The following NCK2 variants were observed in gnomAD, a reference collection of about 807,000 sequenced individuals.
NCK2 encodes the protein cytoplasmic protein NCK2.
NCK2 carries 16 observed loss-of-function variants against 33.9 expected under a neutral mutation model. The ratio of observed to expected loss-of-function variants is 0.47; its 90% confidence interval spans 0.32 to 0.72. NCK2 has a LOEUF of 0.72. Among genes scored for constraint, NCK2 ranks in the 30% least tolerant of loss-of-function variants. The pLI, the probability that NCK2 is intolerant of heterozygous loss-of-function variation, is 0.03. For missense variants in NCK2, 418 were observed against 537.3 expected, an observed-to-expected ratio of 0.78 and a Z score of 2.19; for synonymous variants, 273 against 239.9, an observed-to-expected ratio of 1.14 and a Z score of -1.27.
chr2:105,882,093 C>T (rs368821936), intron 4 of NCK2, 44 bp downstream of exon 4: 285 of 1,467,352 alleles, frequency 1.9e-4, no homozygotes, highest in African/African-American at 1.8e-3. Flanking sequence ...GCAGTAAATG[C>T]GCCTTGCGCG....
intron 2 of NCK2, among the ~76,000 whole-genome samples, chr2:105,851,287 G>GA (rs1558869255): frequency 6.6e-6 from 1 of 150,722 alleles, no homozygotes; most frequent in Non-Finnish European, 1.5e-5. Context: ...TTTCTGAGAC[G>GA]GAGTCTCGCT....
chr2:105,846,010 T>C (rs1212743789), intron 2 of NCK2, among the ~76,000 whole-genome samples: 1 of 152,184 alleles, frequency 6.6e-6, no homozygotes, highest in Non-Finnish European at 1.5e-5. Context: ...TGGAATTTCA[T>C]TTGTTTACAG....
intron 3 of NCK2, among the ~76,000 whole-genome samples, chr2:105,868,639 T>C (rs1385886663): frequency 6.6e-6 from 1 of 152,248 alleles, no homozygotes; most frequent in Non-Finnish European, 1.5e-5. Flanking sequence ...AGAAACTTCA[T>C]TCAGTGGCGA....
intron 1 of NCK2, among the ~76,000 whole-genome samples, chr2:105,783,432 T>C (rs988242298): frequency 2.0e-5 from 3 of 152,150 alleles, no homozygotes; most frequent in African/African-American, 7.2e-5. Flanking sequence ...ACATGGTTTT[T>C]ATTTAGAGTA....
In NCK2 at chr2:105,750,037, A is replaced by AACACACACACACACACACACACACAC. The variant is rs72315025; in HGVS notation, c.-201+4905_-201+4930dup. Among the ~76,000 whole-genome samples the AACACACACACACACACACACACACAC allele has an allele frequency of 7.4e-3, 1,068 of 144,498 alleles. 13 individuals are homozygous for AACACACACACACACACACACACACAC. The highest frequency in any genetic ancestry group is 0.021 in the Middle Eastern group (6 of 280). The allele number at this position is 144,498 out of a possible 152,430, so 94.8% of individuals were successfully genotyped here. A position where few individuals can be genotyped will look rare whatever the true frequency, so the allele number is the denominator to read the frequency against. On this transcript the variant is annotated intron_variant, in intron 1 of 4. Coordinates refer to ENST00000233154, the MANE Select transcript of NCK2 (RefSeq NM_003581.5). Reference sequence around the variant, plus strand: ...TGAGACCCTGTCTCAAAAGCAAACAAACACACACACACACACACACACACA... The same window carrying AACACACACACACACACACACACACAC: ...TGAGACCCTGTCTCAAAAGCAAACAAACACACACACACACACACACACACACACACACACACACACACACACACACA...
intron 1 of NCK2, among the ~76,000 whole-genome samples, chr2:105,783,452 C>T (rs1262360439): frequency 1.3e-5 from 2 of 152,236 alleles, no homozygotes; most frequent in Middle Eastern, 3.4e-3. Context: ...AAAAACAGCT[C>T]GATGCAGCGT....
chr2:105,790,638 C>T (rs1690846978), intron 1 of NCK2, among the ~76,000 whole-genome samples: 1 of 152,262 alleles, frequency 6.6e-6, no homozygotes, highest in Non-Finnish European at 1.5e-5. Flanking sequence ...CACCTGTCCT[C>T]ATCTTAGGTG....
intron 4 of NCK2, among the ~76,000 whole-genome samples, chr2:105,882,647 T>TA (rs1490292641): frequency 6.6e-6 from 1 of 151,746 alleles, no homozygotes; most frequent in Non-Finnish European, 1.5e-5. Flanking sequence ...GAGTCGGAGA[T>TA]ATGAGGCCAC....
At chr2:105,798,464 G>C (rs1489784750) in intron 1 of NCK2, among the ~76,000 whole-genome samples, 1 of 152,114 alleles carries the variant, frequency 6.6e-6, no homozygotes, top group Non-Finnish European at 1.5e-5. Context: ...GCACTGAATT[G>C]TACACTTTAA....
intron 1 of NCK2, among the ~76,000 whole-genome samples, chr2:105,785,145 A>AT (rs1196323159): frequency 6.6e-6 from 1 of 152,012 alleles, no homozygotes; most frequent in Non-Finnish European, 1.5e-5. Context: ...CACCTGGCTA[A>AT]TTTTTTGTAT....
intron 2 of NCK2, among the ~76,000 whole-genome samples, chr2:105,828,296 G>A (rs1016624233): frequency 3.3e-5 from 5 of 152,144 alleles, no homozygotes; most frequent in African/African-American, 1.2e-4. Context: ...TGCTATCAAC[G>A]AATTTCCCTG....
At chr2:105,827,535 C>T (rs1676000533) in intron 2 of NCK2, among the ~76,000 whole-genome samples, 1 of 152,138 alleles carries the variant, frequency 6.6e-6, no homozygotes, top group Non-Finnish European at 1.5e-5. Flanking sequence ...AACACTCCAC[C>T]CAAAAGTAGC....
chr2:105,827,662 A>G (rs115500801), intron 2 of NCK2, among the ~76,000 whole-genome samples: 2,652 of 152,356 alleles, frequency 0.017, 39 homozygotes, highest in Non-Finnish European at 0.022. Context: ...AGTGTCTTCT[A>G]TCTTTTAATA....
chr2:105,813,547 C>T (rs1362451711), intron 1 of NCK2, among the ~76,000 whole-genome samples: 3 of 152,178 alleles, frequency 2.0e-5, no homozygotes, highest in African/African-American at 2.4e-5. Flanking sequence ...GAAACCAGCC[C>T]AGGTGCAGCA....
In NCK2 at chr2:105,834,623, G is replaced by T. The variant is rs1036923893; in HGVS notation, c.-17+18010G>T. Among the ~76,000 whole-genome samples the T allele has an allele frequency of 1.3e-4, 19 of 146,614 alleles. 1 individual carries two copies. Among genetic ancestry groups the T allele is most frequent in the Non-Finnish European group, 1.5e-5 (1 of 66,268 alleles). ...TCTGTCCAGTCTATATCTTTTAATT[G>T]GGAAATTTAATTCATTTACATTAAA... On this transcript the variant is annotated intron_variant, in intron 2 of 4. Coordinates refer to ENST00000233154, the MANE Select transcript of NCK2 (RefSeq NM_003581.5).
intron 1 of NCK2, among the ~76,000 whole-genome samples, chr2:105,799,815 T>G (rs1186712568): frequency 6.6e-6 from 1 of 152,202 alleles, no homozygotes; most frequent in Non-Finnish European, 1.5e-5. Context: ...TTACCTGGCC[T>G]TCCCCTCCGC....
intron 3 of NCK2, chr2:105,855,873 T>A (rs1261354402): frequency 1.0e-4 from 14 of 133,982 alleles, no homozygotes; most frequent in African/African-American, 3.5e-4. Context: ...CTCACACTCT[T>A]GCCCAGGCTG....
chr2:105,758,530 C>T (rs1190804476), intron 1 of NCK2, among the ~76,000 whole-genome samples: 1 of 151,692 alleles, frequency 6.6e-6, no homozygotes, highest in African/African-American at 2.4e-5. Flanking sequence ...CTGCCTCAGC[C>T]TCTCGAGTAG....
intron 1 of NCK2, among the ~76,000 whole-genome samples, chr2:105,749,641 G>GTATC (rs1303188656): frequency 6.6e-6 from 1 of 152,114 alleles, no homozygotes; most frequent in East Asian, 1.9e-4. Flanking sequence ...GTGTCCTTGG[G>GTATC]TATCTGCCTT....
Sources: gnomAD v4.1 joint callset for allele counts (sites outside exome capture counted in the v4.1 genomes callset) on GRCh38, gnomAD v4.1.1 for gene constraint, MANE v1.5 for transcripts, NCBI Gene and HGNC (gene_info 2026-07-23, HGNC 2026-07-21) for gene names.